The following SEMA3A variants were observed in gnomAD, a reference collection of about 807,000 sequenced individuals.
SEMA3A encodes semaphorin 3A, also known as semaphorin-3A.
SEMA3A carries 29 observed loss-of-function variants against 97.9 expected under a neutral mutation model. The observed-to-expected ratio is 0.30, with a 90% CI of 0.22 to 0.40. SEMA3A has a LOEUF of 0.40. SEMA3A is among the 10% of genes least tolerant of loss of function. The probability of loss-of-function intolerance (pLI) is 1.00; values close to 1 mark genes in which losing one functional copy is unlikely to be tolerated. For missense variants in SEMA3A, 763 were observed against 951.3 expected, an observed-to-expected ratio of 0.80 and a Z score of 2.60; for synonymous variants, 321 against 323.7, an observed-to-expected ratio of 0.99 and a Z score of 0.09.
intron 2 of SEMA3A, among the ~76,000 whole-genome samples, chr7:84,359,917 T>C (rs1562918776): frequency 6.6e-6 from 1 of 151,326 alleles, no homozygotes; most frequent in Non-Finnish European, 1.5e-5. Context: ...TTTTCTAGTT[T>C]ATTTGCGTAG....
At chr7:84,311,094 T>A (rs935952562) in intron 2 of SEMA3A, among the ~76,000 whole-genome samples, 8 of 151,790 alleles carry the variant, frequency 5.3e-5, no homozygotes, top group African/African-American at 1.9e-4. Context: ...TTTCAAACAA[T>A]CTTATCTTTA....
chr7:84,268,575 G>A (rs369698852), intron 3 of SEMA3A, among the ~76,000 whole-genome samples: 7 of 151,812 alleles, frequency 4.6e-5, no homozygotes, highest in African/African-American at 1.5e-4. Context: ...GGTTGGCTTC[G>A]TGTAACTTCA....
intron 2 of SEMA3A, among the ~76,000 whole-genome samples, chr7:84,314,580 T>C (rs1478712580): frequency 6.6e-6 from 1 of 152,176 alleles, no homozygotes; most frequent in Non-Finnish European, 1.5e-5. Context: ...AGACATATAA[T>C]GTGTGCAATA....
At chr7:83,978,639 G>T (rs1789268138) in intron 14 of SEMA3A, among the ~76,000 whole-genome samples, 1 of 152,156 alleles carries the variant, frequency 6.6e-6, no homozygotes. Context: ...CATAAATTTA[G>T]AAGTCTAAAG....
Position 84,153,049 on chromosome 7 carries a change from G to A in SEMA3A, c.113-18098C>T, listed in dbSNP as rs537959294. The stretch of plus-strand genomic sequence containing the variant: ...CAAGAAATTAGTTTAAAAGTTCATA[G>A]CTGAGTTTGTTTGATGATCTTAATG... On this transcript the variant is annotated intron_variant, in intron 1 of 16. Transcript: ENST00000265362. Among the ~76,000 whole-genome samples, 8 of 152,188 alleles carry A rather than the reference G, an allele frequency of 5.3e-5. No individual in the cohort carries two copies. In the South Asian group the frequency reaches 1.7e-3, roughly 32 times the overall value.
intron 1 of SEMA3A, among the ~76,000 whole-genome samples, chr7:84,181,613 T>G (rs933511351): frequency 4.6e-5 from 7 of 152,150 alleles, no homozygotes; most frequent in Non-Finnish European, 1.0e-4. Flanking sequence ...GTTGTAGAAC[T>G]GTAATTTACA....
intron 3 of SEMA3A, among the ~76,000 whole-genome samples, chr7:84,302,794 G>A (rs1274251649): frequency 6.6e-6 from 1 of 152,116 alleles, no homozygotes; most frequent in African/African-American, 2.4e-5. Flanking sequence ...TACTACATAA[G>A]GGAAACAAAT....
chr7:84,249,931 G>GT (rs58783916), intron 3 of SEMA3A, among the ~76,000 whole-genome samples: 11,988 of 144,280 alleles, frequency 0.083, 620 homozygotes, highest in African/African-American at 0.16. Flanking sequence ...GTTGCATCCT[G>GT]TTTTTTTTTT....
chr7:84,081,574 C>A (rs1794163159), intron 4 of SEMA3A, among the ~76,000 whole-genome samples: 1 of 130,180 alleles, frequency 7.7e-6, no homozygotes, highest in Non-Finnish European at 1.6e-5. Flanking sequence ...GCCTGGGCGA[C>A]AGAGCGAGAC....
intron 3 of SEMA3A, among the ~76,000 whole-genome samples, chr7:84,272,389 A>C (rs1172872487): frequency 6.6e-6 from 1 of 152,088 alleles, no homozygotes; most frequent in East Asian, 1.9e-4. Context: ...TTATTGTTAC[A>C]TAATGGACTA....
chr7:84,386,927 G>A (rs1803412313), intron 1 of SEMA3A, among the ~76,000 whole-genome samples: 1 of 152,094 alleles, frequency 6.6e-6, no homozygotes, highest in African/African-American at 2.4e-5. Flanking sequence ...TTGAACCCAG[G>A]AGGCAGAGGT....
chr7:84,012,593 C>A (rs151037526), intron 7 of SEMA3A, among the ~76,000 whole-genome samples: 1 of 152,098 alleles, frequency 6.6e-6, no homozygotes, highest in African/African-American at 2.4e-5. Context: ...AACAAAAGCA[C>A]GCTAGCATCA....
intron 4 of SEMA3A, among the ~76,000 whole-genome samples, chr7:84,063,344 C>T (rs1793334190): frequency 6.7e-6 from 1 of 150,336 alleles, no homozygotes. Context: ...AAACTGGAAA[C>T]TCTAAAAAGC....
intron 3 of SEMA3A, among the ~76,000 whole-genome samples, chr7:84,228,502 G>A (rs1017667631): frequency 6.6e-6 from 1 of 151,958 alleles, no homozygotes; most frequent in African/African-American, 2.4e-5. Flanking sequence ...TCCACAAAAT[G>A]ATTAACAGCA....
At chr7:84,098,202 G>A (rs1248991163) in intron 4 of SEMA3A, among the ~76,000 whole-genome samples, 1 of 151,918 alleles carries the variant, frequency 6.6e-6, no homozygotes, top group Non-Finnish European at 1.5e-5. Flanking sequence ...ATAATATTAG[G>A]AAAAAGTAAA....
intron 10 of SEMA3A, among the ~76,000 whole-genome samples, chr7:84,006,696 G>C (rs1790683098): frequency 6.6e-6 from 1 of 152,078 alleles, no homozygotes; most frequent in Non-Finnish European, 1.5e-5. Context: ...TAATGTAAAA[G>C]CTTGGGAGCT....
chr7:84,449,750 T>C (rs1278195869), intron 1 of SEMA3A, among the ~76,000 whole-genome samples: 2 of 152,122 alleles, frequency 1.3e-5, no homozygotes, highest in South Asian at 2.1e-4. Context: ...CCCCTCACCA[T>C]GTCCTCTGGC....
chr7:84,297,536 T>C (rs1472737813), intron 3 of SEMA3A, among the ~76,000 whole-genome samples: 1 of 152,184 alleles, frequency 6.6e-6, no homozygotes, highest in Non-Finnish European at 1.5e-5. Context: ...ATAGTATAGA[T>C]GAAAATAAAT....
At chr7:84,165,827 A>T (rs1041829527) in intron 1 of SEMA3A, among the ~76,000 whole-genome samples, 2 of 152,206 alleles carry the variant, frequency 1.3e-5, no homozygotes, top group Non-Finnish European at 2.9e-5. Flanking sequence ...TGCTGGAATT[A>T]CAGGAGTGAG....
Sources: gnomAD v4.1 joint callset for allele counts (sites outside exome capture counted in the v4.1 genomes callset) on GRCh38, gnomAD v4.1.1 for gene constraint, MANE v1.5 for transcripts, NCBI Gene and HGNC (gene_info 2026-07-23, HGNC 2026-07-21) for gene names.